Variants in IGSF3 observed in about 807,000 individuals in gnomAD.
IGSF3 encodes the protein glu-Trp-Ile EWI motif-containing protein 3.
A neutral mutation model predicts 114.4 loss-of-function variants in IGSF3; 23 were observed. That is an observed-to-expected ratio of 0.20 (90% CI 0.14 to 0.28). The LOEUF (loss-of-function observed/expected upper bound fraction) is 0.28, where lower values mean the gene tolerates loss of function less well. IGSF3 is among the 10% of genes least tolerant of loss of function. The probability of loss-of-function intolerance (pLI) is 1.00; values close to 1 mark genes in which losing one functional copy is unlikely to be tolerated. For missense variants in IGSF3, 1,172 were observed against 1,591.5 expected, an observed-to-expected ratio of 0.74 and a Z score of 4.48; for synonymous variants, 571 against 645.2, an observed-to-expected ratio of 0.88 and a Z score of 1.74.
chr1:116,590,371 G>GA (rs1332127076), intron 7 of IGSF3, among the ~76,000 whole-genome samples: 2,569 of 133,884 alleles, frequency 0.019, 40 homozygotes, highest in East Asian at 0.039. Context: ...TACTAAAAAT[G>GA]AAAAAAAAAA....
chr1:116,591,332 G>A (rs1660101737), intron 7 of IGSF3, among the ~76,000 whole-genome samples: 1 of 151,962 alleles, frequency 6.6e-6, no homozygotes, highest in African/African-American at 2.4e-5. Context: ...GAATTATCTG[G>A]TTCTTGGCCA....
chr1:116,623,290 T>C (rs1661476183), intron 2 of IGSF3, among the ~76,000 whole-genome samples: 1 of 152,184 alleles, frequency 6.6e-6, no homozygotes, highest in South Asian at 2.1e-4. Context: ...ATAACCAGCT[T>C]TAACCTTGCA....
In IGSF3 at chr1:116,613,975, T is replaced by G. The variant is rs747538544; in HGVS notation, c.622A>C (p.Ser208Arg). ...LSRDFMLHSS[S>R]EYAQRQSLGE... ...AGGCTCTGCCTCTGGGCATATTCGC[T>G]GCTGGAGTGAAGCATGAAATCTCGG... Residue 208 changes from serine to arginine, a missense_variant, in exon 4 of 11, where the codon AGC becomes CGC. Physicochemically the swap from Ser to Arg is moderately radical, Grantham distance 110. Coordinates refer to ENST00000369486, the MANE Select transcript of IGSF3 (RefSeq NM_001007237.3). The G allele has an allele frequency of 1.4e-5, 23 of 1,613,900 alleles. No individual in the cohort carries two copies. The highest frequency in any genetic ancestry group is 2.7e-5 in the African/African-American group (2 of 74,932).
chr1:116,641,852 C>CT (rs879719145), intron 2 of IGSF3, among the ~76,000 whole-genome samples: 184 of 143,406 alleles, frequency 1.3e-3, no homozygotes, highest in South Asian at 3.6e-3. Flanking sequence ...AGATTTCTTT[C>CT]TTTTTTTTTT....
Position 116,646,340 on chromosome 1 carries a change from T to C in IGSF3, c.43+19944A>G, listed in dbSNP as rs1359561173. 6.6e-5 allele frequency among the ~76,000 whole-genome samples: 10 copies of C among 152,014 alleles called. No individual in the cohort carries two copies. In the East Asian group the frequency reaches 7.7e-4, roughly 12 times the overall value. ...TTATTTTTAGGAGGAAGATGGAGAATTGGGGGGGGTCCACACAAAGAGGAT... is the reference window on the plus strand; with the variant it reads ...TTATTTTTAGGAGGAAGATGGAGAACTGGGGGGGGTCCACACAAAGAGGAT... On this transcript the variant is annotated intron_variant, in intron 2 of 10. Transcript: ENST00000369486.
At position 116,618,614 on chromosome 1, in the gene IGSF3, G is replaced by A. The variant is rs1299172476; in HGVS notation, c.44-2157C>T. Among the ~76,000 whole-genome samples, 1 of 152,080 alleles carries A rather than the reference G, an allele frequency of 6.6e-6. No homozygotes were observed. The highest frequency in any genetic ancestry group is 2.4e-5 in the African/African-American group (1 of 41,404). ...AATATATATCCCATCTAGGTTTGTT[G>A]AAGTACACCCTATGATGTCCACACA... On this transcript the variant is annotated intron_variant, in intron 2 of 10. Coordinates refer to ENST00000369486, the MANE Select transcript of IGSF3 (RefSeq NM_001007237.3). This position sits in a 1 kb window ranked among gnomAD's most constrained non-coding sequence, Gnocchi z 4.7.
chr1:116,631,983 A>G (rs2336285), intron 2 of IGSF3, among the ~76,000 whole-genome samples: 1 of 152,130 alleles, frequency 6.6e-6, no homozygotes, highest in Non-Finnish European at 1.5e-5. Flanking sequence ...ACTCCCAAAT[A>G]AGCTCCACTC....
rs1649285600 is a variant in IGSF3 at position 116,665,338 on chromosome 1, T to A, written c.43+946A>T. On this transcript the variant is annotated intron_variant, in intron 2 of 10. Coordinates refer to ENST00000369486, the MANE Select transcript of IGSF3 (RefSeq NM_001007237.3). This position sits in a 1 kb window ranked among gnomAD's most constrained non-coding sequence, Gnocchi z 4.0. ...CCTGTAGGCAACAATCATAATCCCT[T>A]CTGAATGCAGAGGACCGAGCCTTAC... Among the ~76,000 whole-genome samples, 1 of 152,122 alleles carries A rather than the reference T, an allele frequency of 6.6e-6. No homozygotes were observed. The highest frequency in any genetic ancestry group is 2.4e-5 in the African/African-American group (1 of 41,416).
Position 116,607,946 on chromosome 1 carries a change from G to T in IGSF3, c.1218C>A (p.Pro406=). The T allele has an allele frequency of 6.2e-7, 1 of 1,613,678 alleles. No individual in the cohort carries two copies. ...GCAGCACATCTCTCTACTTACTGAG[G>T]GGGAGGACTATGATGGGGATGTTCT... ...RPKNIPIIVL[P]LKSSISVEVA... The change falls in exon 5 of 11, where the codon CCC becomes CCA. Residue 406 remains proline (P), a synonymous_variant. Coordinates refer to ENST00000369486, the MANE Select transcript of IGSF3 (RefSeq NM_001007237.3). The surrounding 1 kb of genome is among the most constrained non-coding windows in gnomAD (Gnocchi z 6.1).
At chr1:116,666,037 C>A (rs974221235) in intron 2 of IGSF3, among the ~76,000 whole-genome samples, 1 of 152,168 alleles carries the variant, frequency 6.6e-6, no homozygotes, top group Non-Finnish European at 1.5e-5. Flanking sequence ...GACCTCACCC[C>A]AGGGGCCAAG....
At chr1:116,617,285 A>C (rs1661258383) in intron 2 of IGSF3, 1 of 979,658 alleles carries the variant, frequency 1.0e-6, no homozygotes, top group Non-Finnish European at 1.2e-6. Flanking sequence ...TGCCTTCTCC[A>C]TGTTCTTCTT....
intron 2 of IGSF3, among the ~76,000 whole-genome samples, chr1:116,619,469 C>A (rs1661340467): frequency 3.3e-5 from 5 of 152,216 alleles, no homozygotes; most frequent in Admixed American, 1.3e-4. Flanking sequence ...TTTAACCACA[C>A]ACATTCAGCT....
rs775322138 is a variant in IGSF3 at position 116,579,873 on chromosome 1, A to G, written c.2853T>C (p.Ala951=). ...QTALTVMRPD[A]SLQVDTVVPN... ...GGACCACTGTGTCCACCTGCAGGGA[A>G]GCATCTGGGGAATGACAAGGGACAA... is the stretch of plus-strand genomic sequence containing the variant. Residue 951 remains alanine (A), a synonymous_variant, in exon 10 of 11, where the codon GCT becomes GCC. Transcript: ENST00000369486. This position sits in a 1 kb window ranked among gnomAD's most constrained non-coding sequence, Gnocchi z 6.4. The G allele has an allele frequency of 1.2e-5, 19 of 1,600,380 alleles. No individual in the cohort carries two copies. In the Admixed American group the frequency reaches 3.0e-4, roughly 26 times the overall value.
At chr1:116,590,090 G>C (rs965862766) in intron 7 of IGSF3, among the ~76,000 whole-genome samples, 1 of 151,978 alleles carries the variant, frequency 6.6e-6, no homozygotes, top group African/African-American at 2.4e-5. Context: ...TCCTCTGGGG[G>C]AGTGAGAGAG....
At position 116,610,469 on chromosome 1, in the gene IGSF3, A is replaced by T. The variant is rs1001976345; in HGVS notation, c.833-2138T>A. Among the ~76,000 whole-genome samples the T allele has an allele frequency of 6.6e-6, 1 of 152,130 alleles. No individual in the cohort carries two copies. The highest frequency in any genetic ancestry group is 1.5e-5 in the Non-Finnish European group (1 of 68,022). On this transcript the variant is annotated intron_variant, in intron 4 of 10. Transcript: ENST00000369486. This position sits in a 1 kb window ranked among gnomAD's most constrained non-coding sequence, Gnocchi z 4.3. ...TGCCCTTGGTTATGCCCAGTCAATTACATCTCTAGAAACTGACCTGTGCTT... is the reference window on the plus strand; with the variant it reads ...TGCCCTTGGTTATGCCCAGTCAATTTCATCTCTAGAAACTGACCTGTGCTT...
At position 116,648,641 on chromosome 1, in the gene IGSF3, A is replaced by G. The variant is rs1456068093; in HGVS notation, c.43+17643T>C. ...GTGCCTAGCTCCGGACTGCTTGCAG[A>G]AAAGGCACATTTTGACTCTTCTGAG... On this transcript the variant is annotated intron_variant, in intron 2 of 10. Coordinates refer to ENST00000369486, the MANE Select transcript of IGSF3 (RefSeq NM_001007237.3). This position sits in a 1 kb window ranked among gnomAD's most constrained non-coding sequence, Gnocchi z 4.7. Among the ~76,000 whole-genome samples the G allele has an allele frequency of 1.3e-5, 2 of 152,228 alleles. No homozygotes were observed. The highest frequency in any genetic ancestry group is 4.8e-5 in the African/African-American group (2 of 41,456).
rs3831861 is a variant in IGSF3, at chr1:116,642,237, GA to G, written c.43+24046del. Among the ~76,000 whole-genome samples, 84 of 149,392 alleles carry G rather than the reference GA, an allele frequency of 5.6e-4. No homozygotes were observed. Among genetic ancestry groups the G allele is most frequent in the Non-Finnish European group, 8.5e-4 (57 of 67,340 alleles). On this transcript the variant is annotated intron_variant, in intron 2 of 10. Transcript: ENST00000369486. The surrounding 1 kb of genome is among the most constrained non-coding windows in gnomAD (Gnocchi z 5.4). ...CATGTGCATGGATTACCTCTTATTA[GA>G]AAAAAAAACACGAAATTTTTTGGTA... is the stretch of plus-strand genomic sequence containing the variant.
intron 2 of IGSF3, among the ~76,000 whole-genome samples, chr1:116,619,037 G>A (rs1661322333): frequency 6.6e-6 from 1 of 152,284 alleles, no homozygotes; most frequent in East Asian, 1.9e-4. Flanking sequence ...AAGCTCCACA[G>A]ATGATTCAAA....
chr1:116,647,065 GCACT>G lies in IGSF3; in HGVS notation c.43+19215_43+19218del, dbSNP rs1648410890. 1 of 152,668 alleles carries G rather than the reference GCACT, an allele frequency of 6.6e-6. No homozygotes were observed. Among genetic ancestry groups the G allele is most frequent in the Non-Finnish European group, 1.5e-5 (1 of 68,346 alleles). 9.5% of individuals were successfully genotyped at this position (152,668 alleles called of 1,614,324 possible). A position where few individuals can be genotyped will look rare whatever the true frequency, so the allele number is the denominator to read the frequency against. ...AGAACAGTGGAACTGGCAGAGAGAG[GCACT>G]GGTGCAGATGGAGAGGGCAGCAATA... On this transcript the variant is annotated intron_variant, in intron 2 of 10. Transcript: ENST00000369486. The surrounding 1 kb of genome is among the most constrained non-coding windows in gnomAD (Gnocchi z 4.6).
Sources: gnomAD v4.1 joint callset for allele counts (sites outside exome capture counted in the v4.1 genomes callset) on GRCh38, gnomAD v4.1.1 for gene constraint, Gnocchi (gnomAD v3.1) non-coding constraint, MANE v1.5 for transcripts, NCBI Gene and HGNC (gene_info 2026-07-23, HGNC 2026-07-21) for gene names.